CDHR2: variants seen among roughly 807,000 people sequenced by gnomAD.
The protein encoded by CDHR2 is cadherin related family member 2, also known as cadherin-related family member 2.
Under a neutral mutation model 138.6 loss-of-function variants are expected in CDHR2, and 104 were observed. The ratio of observed to expected loss-of-function variants is 0.75; its 90% CI spans 0.64 to 0.88. The LOEUF is 0.88. Ranked by LOEUF, CDHR2 falls within the 40% of genes least tolerant of loss-of-function variation. The pLI is 0.00. For missense variants in CDHR2, 1,624 were observed against 1,727.6 expected (o/e 0.94, Z 1.06); for synonymous variants, 755 against 742.8 (o/e 1.02, Z -0.27).
At chr5:176,575,684 G>A (rs764657902) in intron 10 of CDHR2, 40 bp from the exon 11 acceptor site, 7 of 1,597,210 alleles carry the variant, frequency 4.4e-6, no homozygotes, top group Admixed American at 3.5e-5. Flanking sequence ...CAGAGCCACT[G>A]GAGCAGCTGT....
Position 176,589,575 on chromosome 5 carries a change from A to G in CDHR2, c.3165A>G (p.Thr1055=). 1 of 1,614,000 alleles carries G rather than the reference A, an allele frequency of 6.2e-7. No homozygotes were observed. Among genetic ancestry groups the G allele is most frequent in the African/African-American group, 1.3e-5 (1 of 75,000 alleles). The change falls in exon 24 of 32, where the codon ACA becomes ACG. Residue 1055 remains threonine (T), a synonymous_variant. Transcript: ENST00000261944. ...QSYRSRLQFS[T]PKEEVGANRQ... ...ACCGCTCGCGGCTGCAGTTCTCCAC[A>G]CCGAAGGAGGAGGTGGGCGCCAACA...
intron 5 of CDHR2, among the ~76,000 whole-genome samples, chr5:176,569,596 A>G (rs1045712654): frequency 6.6e-6 from 1 of 152,178 alleles, no homozygotes; most frequent in African/African-American, 2.4e-5. Context: ...TGTATTATTA[A>G]TGTATATAAA....
chr5:176,572,862 C>T (rs1324800979), intron 6 of CDHR2, among the ~76,000 whole-genome samples: 1 of 152,336 alleles, frequency 6.6e-6, no homozygotes, highest in Non-Finnish European at 1.5e-5. Context: ...GACCTGGTTG[C>T]TACTCTCAGC....
chr5:176,559,142 C>T (rs2113266852), intron 1 of CDHR2, among the ~76,000 whole-genome samples: 1 of 152,270 alleles, frequency 6.6e-6, no homozygotes, highest in Middle Eastern at 3.4e-3. Flanking sequence ...CAAAGTGGCC[C>T]AAGAGGCCCA....
intron 21 of CDHR2, among the ~76,000 whole-genome samples, 196 bp downstream of exon 21, chr5:176,587,038 G>C (rs1316762460): frequency 1.3e-5 from 2 of 152,244 alleles, no homozygotes; most frequent in Non-Finnish European, 2.9e-5. Context: ...TCATAAAAAT[G>C]TCATGACCGT....
At chr5:176,550,960 G>A (rs780949729) in intron 1 of CDHR2, among the ~76,000 whole-genome samples, 3 of 152,334 alleles carry the variant, frequency 2.0e-5, no homozygotes, top group East Asian at 1.9e-4. Context: ...ATCTCATGGC[G>A]TGGGGGCCAG....
Position 176,590,748 on chromosome 5 carries a change from G to A in CDHR2, c.3539+61G>A, listed in dbSNP as rs73806034. On this transcript the variant is annotated intron_variant, in intron 28 of 31. Coordinates refer to ENST00000261944, the MANE Select transcript of CDHR2 (RefSeq NM_017675.6). ...ACCCTCTCCCACCACCCAAGACGTC[G>A]GGGGGTAGGGGTAGAAGGAGCTGGG... The A allele has an allele frequency of 1.7e-3, 2,744 of 1,604,942 alleles. 46 individuals carry two copies. In the African/African-American group the frequency reaches 0.032, roughly 19 times the overall value.
At chr5:176,567,836 C>T (rs189880519) in intron 3 of CDHR2, among the ~76,000 whole-genome samples, 4 of 152,324 alleles carry the variant, frequency 2.6e-5, no homozygotes, top group Admixed American at 2.0e-4. Context: ...TCGCTATGTG[C>T]CTAGGCAGCT....
chr5:176,588,963 A>T, intron 21 of CDHR2, 68 bp from the exon 22 acceptor site: 1 of 1,557,224 alleles, frequency 6.4e-7, no homozygotes, highest in Non-Finnish European at 8.8e-7. Flanking sequence ...CTTGCCTCTG[A>T]TCCCTGCTGG....
intron 6 of CDHR2, among the ~76,000 whole-genome samples, chr5:176,573,601 C>T (rs1043645516): frequency 2.6e-5 from 4 of 151,564 alleles, no homozygotes; most frequent in African/African-American, 7.3e-5. Context: ...GAGCCGAGAT[C>T]GTGCCCCTTC....
Position 176,553,106 on chromosome 5 carries a change from G to A in CDHR2, c.-16+3692G>A, listed in dbSNP as rs1231998013. Among the ~76,000 whole-genome samples, 1 of 152,144 alleles carries A rather than the reference G, an allele frequency of 6.6e-6. No individual in the cohort carries two copies. ...GAGAAGCGTGGCGTGTATGGGGAAG[G>A]GGCTGTAGGGGGAGGCGCCTCGGGG... On this transcript the variant is annotated intron_variant, in intron 1 of 31. Coordinates refer to ENST00000261944, the MANE Select transcript of CDHR2 (RefSeq NM_017675.6). This position sits in a 1 kb window ranked among gnomAD's most constrained non-coding sequence, Gnocchi z 4.3.
rs979449442 is a variant in CDHR2 at position 176,589,168 on chromosome 5, C to T, written c.2994C>T (p.Phe998=). The change falls in exon 22 of 32, where the codon TTC becomes TTT. Residue 998 remains phenylalanine, a synonymous_variant. Transcript: ENST00000261944. ...TCACCTCCTCCGAGGCCGACGTGTT[C>T]GCTGGGAGCATTCAGTAACTGCGGG... ...SIFTSSEADV[F]AGSIQPVTSL... is the part of the protein sequence containing the mutation. 3 of 1,614,110 alleles carry T rather than the reference C, an allele frequency of 1.9e-6. No individual in the cohort carries two copies. Among genetic ancestry groups the T allele is most frequent in the East Asian group, 2.2e-5 (1 of 44,884 alleles).
intron 19 of CDHR2, 106 bp downstream of exon 19, chr5:176,585,121 G>A: frequency 7.6e-7 from 1 of 1,317,540 alleles, no homozygotes; most frequent in African/African-American, 1.5e-5. Context: ...CTTGGCTCCA[G>A]CCCTTTCCAG....
At chr5:176,559,174 G>C (rs920373593) in intron 1 of CDHR2, among the ~76,000 whole-genome samples, 4 of 152,202 alleles carry the variant, frequency 2.6e-5, no homozygotes, top group Non-Finnish European at 4.4e-5. Context: ...CAGAGCTTCT[G>C]AATGCTGCAT....
chr5:176,573,836 T>TGA (rs1758290453), intron 6 of CDHR2, among the ~76,000 whole-genome samples: 1 of 152,148 alleles, frequency 6.6e-6, no homozygotes, highest in African/African-American at 2.4e-5. Context: ...ATCCTGGTTC[T>TGA]GAGGGGCTCC....
chr5:176,568,896 G>A (rs1214264406), intron 4 of CDHR2, 64 bp from the exon 5 acceptor site: 11 of 1,610,822 alleles, frequency 6.8e-6, no homozygotes, highest in East Asian at 6.7e-5. Context: ...TCCTGGTGGC[G>A]GCACCCCCTG....
At chr5:176,591,114 C>A in intron 28 of CDHR2, 96 bp from the exon 29 acceptor site, 3 of 801,532 alleles carry the variant, frequency 3.7e-6, no homozygotes, top group South Asian at 1.5e-5. Context: ...CTAACACTCA[C>A]CTCCCGGGAT....
intron 1 of CDHR2, among the ~76,000 whole-genome samples, chr5:176,550,269 G>A (rs1282376174): frequency 6.6e-6 from 1 of 152,252 alleles, no homozygotes; most frequent in Non-Finnish European, 1.5e-5. Context: ...GCTTGCCTGG[G>A]GTTGCACAAC....
Position 176,584,658 on chromosome 5 carries a change from G to A in CDHR2, c.2377G>A (p.Asp793Asn). ...CCCCCAGGGGGGTGAGACCATAGTA[G>A]ACGTCTGCGTGAATGTGAAAGACGT... Reference protein sequence around the residue: ...PDPQGGETIVDVCVNVKDVND... With the variant: ...PDPQGGETIVNVCVNVKDVND... The change falls in exon 19 of 32, where the codon GAC (aspartate) becomes AAC (asparagine). Residue 793 changes from aspartate (D) to asparagine (N), a missense_variant. Asp to Asn is a conservative substitution (Grantham distance 23). Around this residue, in one of 3 missense-constraint regions of CDHR2, gnomAD observed 1,061 missense variants for 1,136.6 expected, o/e 0.93. Transcript: ENST00000261944. 1 of 1,614,036 alleles carries A rather than the reference G, an allele frequency of 6.2e-7. No homozygotes were observed. Among genetic ancestry groups the A allele is most frequent in the Non-Finnish European group, 8.5e-7 (1 of 1,179,972 alleles).
Sources: gnomAD v4.1 joint callset for allele counts (sites outside exome capture counted in the v4.1 genomes callset) on GRCh38, gnomAD v4.1.1 for gene constraint, gnomAD v4.1.1 regional missense constraint, Gnocchi (gnomAD v3.1) non-coding constraint, MANE v1.5 for transcripts, NCBI Gene and HGNC (gene_info 2026-07-23, HGNC 2026-07-21) for gene names.